The following RAB3IP variants were observed in gnomAD, a reference collection of about 807,000 sequenced individuals.
RAB3IP encodes RAB3A interacting protein, also known as rab-3A-interacting protein.
A neutral mutation model predicts 59.1 loss-of-function variants in RAB3IP; 36 were observed. That is an observed-to-expected ratio of 0.61 (90% confidence interval 0.47 to 0.80). The LOEUF (loss-of-function observed/expected upper bound fraction) is 0.80, where lower values mean the gene tolerates loss of function less well. RAB3IP is among the 30% of genes least tolerant of loss of function. RAB3IP has a pLI of 0.00. For missense variants in RAB3IP, 511 were observed against 536.0 expected, an observed-to-expected ratio of 0.95 and a Z score of 0.46; for synonymous variants, 207 against 191.2, an observed-to-expected ratio of 1.08 and a Z score of -0.68.
intron 1 of RAB3IP, among the ~76,000 whole-genome samples, chr12:69,752,254 T>A (rs1869448209): frequency 6.6e-6 from 1 of 151,526 alleles, no homozygotes; most frequent in Admixed American, 6.6e-5. Flanking sequence ...TCCTCCTGCT[T>A]CTGTGTGTCA....
At chr12:69,754,669 A>G (rs2136124411) in intron 1 of RAB3IP, among the ~76,000 whole-genome samples, 1 of 152,320 alleles carries the variant, frequency 6.6e-6, no homozygotes, top group East Asian at 1.9e-4. Context: ...GCATGAGGTA[A>G]CGCATTCGTT....
At chr12:69,765,937 A>G (rs941099640) in intron 3 of RAB3IP, among the ~76,000 whole-genome samples, 10 of 152,240 alleles carry the variant, frequency 6.6e-5, no homozygotes, top group Middle Eastern at 3.4e-3. Flanking sequence ...CTTGGTTAGA[A>G]TTTCTTTTCT....
intron 4 of RAB3IP, among the ~76,000 whole-genome samples, chr12:69,792,355 G>C (rs1054226165): frequency 1.3e-5 from 2 of 152,118 alleles, no homozygotes; most frequent in African/African-American, 4.8e-5. Context: ...AAAACAAAAT[G>C]ATATGTATAT....
intron 3 of RAB3IP, among the ~76,000 whole-genome samples, chr12:69,781,730 A>G (rs1404672888): frequency 6.6e-6 from 1 of 152,174 alleles, no homozygotes; most frequent in Admixed American, 6.5e-5. Flanking sequence ...GCACAAAATG[A>G]TATTTCACTG....
intron 1 of RAB3IP, among the ~76,000 whole-genome samples, chr12:69,747,293 C>CGTGTGTGTGT (rs111438084): frequency 5.1e-5 from 7 of 137,708 alleles, no homozygotes; most frequent in East Asian, 2.1e-4. Context: ...CTTGCCCTTT[C>CGTGTGTGTGT]GTGTGTGTGT....
At chr12:69,757,329 G>A (rs2136131422) in intron 3 of RAB3IP, among the ~76,000 whole-genome samples, 1 of 152,198 alleles carries the variant, frequency 6.6e-6, no homozygotes, top group Non-Finnish European at 1.5e-5. Flanking sequence ...CAAGTAGAAG[G>A]AAGGAAATAA....
At chr12:69,747,805 C>T (rs552660519) in intron 1 of RAB3IP, among the ~76,000 whole-genome samples, 1 of 152,298 alleles carries the variant, frequency 6.6e-6, no homozygotes, top group East Asian at 1.9e-4. Flanking sequence ...TCCAATTCTA[C>T]ACTGAAATAG....
chr12:69,754,343 G>GCACACACA (rs57626649), intron 1 of RAB3IP, among the ~76,000 whole-genome samples: 4 of 132,712 alleles, frequency 3.0e-5, no homozygotes, highest in African/African-American at 1.0e-4. Context: ...AGATACACGG[G>GCACACACA]CACACACACA....
intron 7 of RAB3IP, among the ~76,000 whole-genome samples, chr12:69,800,804 A>C (rs1041486257): frequency 6.6e-6 from 1 of 152,142 alleles, no homozygotes; most frequent in Non-Finnish European, 1.5e-5. Context: ...AGATGCAAAA[A>C]CCTTAGAAAA....
chr12:69,820,713 T>A lies in RAB3IP; in HGVS notation c.*5267T>A, dbSNP rs1205798967. On this transcript the variant is annotated 3_prime_UTR_variant, in exon 11 of 11. Transcript: ENST00000247833. Reference sequence around the variant, plus strand: ...GTCTCTACTAAAAACACAAAATTAGTCAGGTGTGATGGCGCATGCCTGTAA... The same window carrying A: ...GTCTCTACTAAAAACACAAAATTAGACAGGTGTGATGGCGCATGCCTGTAA... The A allele has an allele frequency of 6.6e-6, 1 of 151,348 alleles. No individual in the cohort carries two copies. The highest frequency in any genetic ancestry group is 1.9e-4 in the East Asian group (1 of 5,134). 9.4% of individuals were successfully genotyped at this position (151,348 alleles called of 1,614,324 possible). A position where few individuals can be genotyped will look rare whatever the true frequency, so the allele number is the denominator to read the frequency against.
intron 8 of RAB3IP, among the ~76,000 whole-genome samples, chr12:69,808,906 G>T (rs1879927475): frequency 6.6e-6 from 1 of 151,948 alleles, no homozygotes; most frequent in Admixed American, 6.6e-5. Context: ...TACATTTAAG[G>T]TTAATATTGT....
intron 3 of RAB3IP, among the ~76,000 whole-genome samples, chr12:69,784,384 G>A (rs186646492): frequency 1.5e-3 from 220 of 151,060 alleles, no homozygotes; most frequent in Non-Finnish European, 2.7e-3. Context: ...AAATAAATAT[G>A]TATAGCAAAA....
intron 1 of RAB3IP, chr12:69,739,573 A>G (rs1887063626): frequency 1.9e-6 from 1 of 534,160 alleles, no homozygotes; most frequent in African/African-American, 1.9e-5. Context: ...CGCGCGAGGC[A>G]CCGTGCTGAG....
At chr12:69,805,555 G>A (rs1312250119) in intron 8 of RAB3IP, among the ~76,000 whole-genome samples, 2 of 151,784 alleles carry the variant, frequency 1.3e-5, no homozygotes, top group Admixed American at 6.5e-5. Flanking sequence ...TGGTGAGAGA[G>A]GGCATCCCTG....
intron 8 of RAB3IP, among the ~76,000 whole-genome samples, chr12:69,803,591 C>T (rs1565922991): frequency 6.6e-6 from 1 of 151,862 alleles, no homozygotes. Context: ...TGGTGTGCTG[C>T]ACCCATTAAC....
At chr12:69,788,326 T>C (rs562746408) in intron 4 of RAB3IP, among the ~76,000 whole-genome samples, 5 of 152,146 alleles carry the variant, frequency 3.3e-5, no homozygotes, top group African/African-American at 7.2e-5. Context: ...CTATATGATA[T>C]TGCTTATTGC....
At chr12:69,752,786 C>T (rs917696011) in intron 1 of RAB3IP, among the ~76,000 whole-genome samples, 8 of 152,050 alleles carry the variant, frequency 5.3e-5, no homozygotes, top group Admixed American at 1.3e-4. Flanking sequence ...TTAATGCAAA[C>T]GTAATACAAA....
intron 8 of RAB3IP, among the ~76,000 whole-genome samples, chr12:69,811,568 A>G (rs528016932): frequency 2.0e-5 from 3 of 152,190 alleles, no homozygotes; most frequent in African/African-American, 4.8e-5. Context: ...TCTTATGCAA[A>G]TTATACTTTT....
chr12:69,765,832 G>A (rs1455684611), intron 3 of RAB3IP, among the ~76,000 whole-genome samples: 1 of 152,212 alleles, frequency 6.6e-6, no homozygotes, highest in Non-Finnish European at 1.5e-5. Context: ...TGTAAGGCTA[G>A]TCTAGTGGTA....
Sources: gnomAD v4.1 joint callset for allele counts (sites outside exome capture counted in the v4.1 genomes callset) on GRCh38, gnomAD v4.1.1 for gene constraint, MANE v1.5 for transcripts, NCBI Gene and HGNC (gene_info 2026-07-23, HGNC 2026-07-21) for gene names.